Variants in TENT5D observed in about 807,000 individuals in gnomAD.
TENT5D encodes cancer/testis antigen 112.
For missense variants in TENT5D, 191 were observed against 287.0 expected (o/e 0.67, Z 2.42); for synonymous variants, 103 against 100.6 (o/e 1.02, Z -0.15).
chrX:80,400,238 G>A (rs758125070), intron 3 of TENT5D, among the ~76,000 whole-genome samples: 2 of 111,614 alleles, frequency 1.8e-5, no homozygotes, highest in Non-Finnish European at 3.8e-5. Flanking sequence ...GAAAAGTCTC[G>A]GCTATCAAAG....
chrX:80,411,207 C>T (rs1420239129), intron 3 of TENT5D, among the ~76,000 whole-genome samples: 3 of 108,155 alleles, frequency 2.8e-5, no homozygotes, highest in Non-Finnish European at 5.8e-5. Flanking sequence ...AACTAACCTG[C>T]ACAATGTGCA....
At chrX:80,353,338 G>A (rs1292861172) in intron 3 of TENT5D, among the ~76,000 whole-genome samples, 2 of 111,656 alleles carry the variant, frequency 1.8e-5, no homozygotes, top group Admixed American at 9.5e-5. Flanking sequence ...GATAAATTGT[G>A]TTTCATGGGA....
chrX:80,389,074 C>A (rs1389525169), intron 3 of TENT5D, among the ~76,000 whole-genome samples: 1 of 111,477 alleles, frequency 9.0e-6, no homozygotes, highest in Non-Finnish European at 1.9e-5. Context: ...TTCTCTCAAG[C>A]GCGGAAATTC....
intron 2 of TENT5D, among the ~76,000 whole-genome samples, chrX:80,339,433 C>T (rs1203799085): frequency 9.0e-6 from 1 of 111,389 alleles, no homozygotes; most frequent in Non-Finnish European, 1.9e-5. Context: ...AAGCAGAGTA[C>T]ACTTTGCTGG....
intron 3 of TENT5D, among the ~76,000 whole-genome samples, chrX:80,369,009 T>A (rs1343342244): frequency 8.9e-6 from 1 of 111,922 alleles, no homozygotes; most frequent in Non-Finnish European, 1.9e-5. Flanking sequence ...CAGCTCTTAT[T>A]TTTTTGCCAG....
At chrX:80,399,212 C>T (rs1931345498) in intron 3 of TENT5D, among the ~76,000 whole-genome samples, 1 of 111,612 alleles carries the variant, frequency 9.0e-6, no homozygotes, top group African/African-American at 3.3e-5. Context: ...AGTTTTCTCC[C>T]GTGTTTTTCT....
chrX:80,411,845 C>A (rs751885635), intron 3 of TENT5D, among the ~76,000 whole-genome samples: 3 of 111,681 alleles, frequency 2.7e-5, no homozygotes, highest in Non-Finnish European at 5.6e-5. Flanking sequence ...TACGGCTTTT[C>A]GAGGCACATG....
Position 80,338,193 on chromosome X carries a change from T to C in TENT5D, c.-207+2477T>C, listed in dbSNP as rs371099328. Among the ~76,000 whole-genome samples, 15 of 112,163 alleles carry C rather than the reference T, an allele frequency of 1.3e-4. No homozygotes were observed. The East Asian group carries it at 2.5e-3, about 19-fold the overall frequency. On this transcript the variant is annotated intron_variant, in intron 2 of 4. Coordinates refer to the TENT5D transcript ENST00000538312. ...TACCTTCTACCCTGTTTCACCTAAATAGGTTGCTACCTTTTTCTCCTTTCA... is the reference window on the plus strand; with the variant it reads ...TACCTTCTACCCTGTTTCACCTAAACAGGTTGCTACCTTTTTCTCCTTTCA...
chrX:80,416,888 T>C (rs1002948479), upstream of TENT5D, among the ~76,000 whole-genome samples: 2 of 111,477 alleles, frequency 1.8e-5, no homozygotes, highest in Non-Finnish European at 3.8e-5. Flanking sequence ...TTTCTTATAC[T>C]GTCAGTGGGG....
chrX:80,349,815 G>C (rs1930140333), intron 3 of TENT5D, among the ~76,000 whole-genome samples: 1 of 110,544 alleles, frequency 9.0e-6, no homozygotes. Context: ...TCTAAACACT[G>C]CTTTACCTGT....
Position 80,387,186 on chromosome X carries a change from C to T in TENT5D, c.-142+44622C>T, listed in dbSNP as rs565449104. The stretch of plus-strand genomic sequence containing the variant: ...CAGTTCCAATGTCAAAGATTGCAGC[C>T]AAGGGTCTTCTTAGGGGGCACATCT... On this transcript the variant is annotated intron_variant, in intron 3 of 4. Coordinates refer to the TENT5D transcript ENST00000538312. 3.5e-4 allele frequency among the ~76,000 whole-genome samples: 39 copies of T among 111,997 alleles called. No individual in the cohort carries two copies. The South Asian group carries it at 0.013, about 38-fold the overall frequency.
chrX:80,400,851 C>T (rs62606108), intron 3 of TENT5D, among the ~76,000 whole-genome samples: 14,524 of 111,022 alleles, frequency 0.13, 754 homozygotes, highest in South Asian at 0.38. Flanking sequence ...AGTATGATCT[C>T]TCCAGCTTTG....
chrX:80,383,623 G>A (rs777439835), intron 3 of TENT5D, among the ~76,000 whole-genome samples: 41 of 112,028 alleles, frequency 3.7e-4, no homozygotes, highest in Non-Finnish European at 6.8e-4. Flanking sequence ...TTGTGAGGCC[G>A]AGGCAGGCAG....
At chrX:80,439,094 G>A (rs1242082331) in intron 2 of TENT5D, among the ~76,000 whole-genome samples, 1 of 111,428 alleles carries the variant, frequency 9.0e-6, no homozygotes, top group South Asian at 3.7e-4. Context: ...AAGACAGGGA[G>A]CCAAACAAGA....
At chrX:80,368,235 A>G (rs1177787965) in intron 3 of TENT5D, among the ~76,000 whole-genome samples, 2 of 111,843 alleles carry the variant, frequency 1.8e-5, no homozygotes, top group African/African-American at 6.5e-5. Flanking sequence ...GGTTTGAGTC[A>G]GCAAACTCTG....
upstream of TENT5D, among the ~76,000 whole-genome samples, chrX:80,418,860 C>A (rs1931828738): frequency 1.8e-5 from 2 of 111,309 alleles, no homozygotes; most frequent in Admixed American, 9.6e-5. Context: ...AGATTTCTTT[C>A]CAATAACCCT....
At chrX:80,396,862 G>A (rs1382009616) in intron 3 of TENT5D, among the ~76,000 whole-genome samples, 18 of 92,977 alleles carry the variant, frequency 1.9e-4, no homozygotes, top group Middle Eastern at 5.5e-3. Context: ...GGGCAGAGGC[G>A]CCCCTCACCT....
chrX:80,338,354 C>T (rs1438089602), intron 2 of TENT5D, among the ~76,000 whole-genome samples: 3 of 111,489 alleles, frequency 2.7e-5, no homozygotes, highest in Admixed American at 9.6e-5. Context: ...TCAGATATGG[C>T]GGATACTTAG....
At chrX:80,394,391 C>CTTTTT (rs35632962) in intron 3 of TENT5D, among the ~76,000 whole-genome samples, 55 of 36,658 alleles carry the variant, frequency 1.5e-3, no homozygotes, top group Non-Finnish European at 2.0e-3. Context: ...AGGTCCTTTC[C>CTTTTT]TTTTTTTTTT....
Sources: gnomAD v4.1 joint callset for allele counts (sites outside exome capture counted in the v4.1 genomes callset) on GRCh38, gnomAD v4.1.1 for gene constraint, MANE v1.5 for transcripts, NCBI Gene and HGNC (gene_info 2026-07-23, HGNC 2026-07-21) for gene names.